The following KATNIP variants were observed in gnomAD, a reference collection of about 807,000 sequenced individuals.
KATNIP encodes katanin-interacting protein.
In KATNIP, 126 loss-of-function variants were observed where a neutral mutation model predicts 174.0. That is an observed-to-expected ratio of 0.72 (90% CI 0.63 to 0.84). The LOEUF (loss-of-function observed/expected upper bound fraction) is 0.84, where lower values mean the gene tolerates loss of function less well. Among genes scored for constraint, KATNIP ranks in the 40% least tolerant of loss-of-function variants. The pLI, the probability that KATNIP is intolerant of heterozygous loss-of-function variation, is 0.00. For missense variants in KATNIP, 1,958 were observed against 2,109.7 expected (o/e 0.93, Z 1.41); for synonymous variants, 810 against 835.7 (o/e 0.97, Z 0.53).
At chr16:27,658,770 G>A (rs1290617980) in intron 6 of KATNIP, among the ~76,000 whole-genome samples, 3 of 151,972 alleles carry the variant, frequency 2.0e-5, no homozygotes, top group Non-Finnish European at 4.4e-5. Flanking sequence ...TGTTGTTGTT[G>A]TTTGTTTGTT....
chr16:27,627,779 A>T (rs185486467), intron 3 of KATNIP, among the ~76,000 whole-genome samples: 1 of 152,222 alleles, frequency 6.6e-6, no homozygotes, highest in Non-Finnish European at 1.5e-5. Context: ...ACTTGTTGCT[A>T]GGTTGGCTGG....
intron 1 of KATNIP, among the ~76,000 whole-genome samples, chr16:27,554,482 A>G (rs1021582380): frequency 6.6e-6 from 1 of 152,126 alleles, no homozygotes; most frequent in Non-Finnish European, 1.5e-5. Flanking sequence ...AAAATTCAAC[A>G]CAGTGAAATA....
chr16:27,681,507 C>T lies in KATNIP; in HGVS notation c.917C>T (p.Pro306Leu). The part of the protein sequence containing the change: ...NLTPQAPAVF[P>L]DQERMCSRPG... ...ACTCCCCAAGCTCCTGCTGTATTCC[C>T]AGACCAGGAGAGGATGTGCTCCAGT... The change falls in exon 8 of 28, where the codon CCA becomes CTA. Residue 306 changes from proline to leucine, a missense_variant. Transcript: ENST00000261588. The T allele has an allele frequency of 6.2e-7, 1 of 1,614,234 alleles. No homozygotes were observed. The highest frequency in any genetic ancestry group is 1.1e-5 in the South Asian group (1 of 91,080).
intron 5 of KATNIP, chr16:27,632,326 C>T (rs887444714): frequency 5.7e-6 from 1 of 175,594 alleles, no homozygotes; most frequent in Non-Finnish European, 1.2e-5. Flanking sequence ...GAAAACTGCA[C>T]TTTGAAGTTC....
In KATNIP at chr16:27,677,962, C is replaced by A. The variant is rs765088653; in HGVS notation, c.774C>A (p.Thr258=). The A allele has an allele frequency of 8.7e-6, 14 of 1,614,038 alleles. No homozygotes were observed. The African/African-American group carries it at 1.9e-4, about 22-fold the overall frequency. ...GACGCTCTTCTCCAGGCCCAGACAC[C>A]CTCGTGGTGCTGGAATTTAACCCAG... is the stretch of plus-strand genomic sequence containing the variant. ...TEGRSSPGPD[T]LVVLEFNPAS... is the part of the protein sequence containing the mutation. Residue 258 remains threonine (T), a synonymous_variant, in exon 7 of 28, where the codon ACC becomes ACA. Transcript: ENST00000261588.
intron 1 of KATNIP, among the ~76,000 whole-genome samples, chr16:27,550,475 T>A (rs1157628019): frequency 6.6e-6 from 1 of 152,012 alleles, no homozygotes; most frequent in Non-Finnish European, 1.5e-5. Flanking sequence ...GAGGAGGGTC[T>A]TGTGAATGTT....
intron 6 of KATNIP, among the ~76,000 whole-genome samples, chr16:27,653,262 G>A (rs2077170953): frequency 1.3e-5 from 2 of 152,336 alleles, no homozygotes; most frequent in South Asian, 4.1e-4. Context: ...GGGCCACCCT[G>A]AAGTCTTCTG....
intron 11 of KATNIP, among the ~76,000 whole-genome samples, chr16:27,701,947 C>T (rs1402722542): frequency 6.6e-6 from 1 of 152,092 alleles, no homozygotes; most frequent in Non-Finnish European, 1.5e-5. Context: ...TGTGTGCCAC[C>T]GCACCCAGCT....
At chr16:27,647,264 T>A (rs988144782) in intron 5 of KATNIP, among the ~76,000 whole-genome samples, 2 of 152,164 alleles carry the variant, frequency 1.3e-5, no homozygotes, top group African/African-American at 4.8e-5. Flanking sequence ...AAATGTCCCA[T>A]GCTGTGTTTC....
At chr16:27,557,369 T>A (rs964096854) in intron 1 of KATNIP, among the ~76,000 whole-genome samples, 2 of 151,812 alleles carry the variant, frequency 1.3e-5, no homozygotes, top group East Asian at 3.9e-4. Flanking sequence ...CTCGAACTCC[T>A]GACCTTAGGT....
At chr16:27,654,673 A>T in intron 6 of KATNIP, 1 of 1,351,506 alleles carries the variant, frequency 7.4e-7, no homozygotes, top group South Asian at 1.1e-5. Context: ...ATGCATGTGG[A>T]CATTCTGACC....
At chr16:27,728,054 C>G (rs2143162946) in intron 14 of KATNIP, among the ~76,000 whole-genome samples, 1 of 150,588 alleles carries the variant, frequency 6.6e-6, no homozygotes. Context: ...ATGTCAATGA[C>G]TTGGAAGTCA....
chr16:27,610,056 A>T (rs887394765), intron 2 of KATNIP, among the ~76,000 whole-genome samples: 1 of 151,968 alleles, frequency 6.6e-6, no homozygotes, highest in Non-Finnish European at 1.5e-5. Context: ...TGGCTCAGAG[A>T]TGGGGGTCAA....
chr16:27,580,517 A>G (rs771283307), intron 2 of KATNIP, among the ~76,000 whole-genome samples: 1 of 152,224 alleles, frequency 6.6e-6, no homozygotes, highest in Non-Finnish European at 1.5e-5. Flanking sequence ...AAGAGTATTC[A>G]GGGAATACAA....
At chr16:27,641,325 C>T (rs1330907816) in intron 5 of KATNIP, among the ~76,000 whole-genome samples, 1 of 152,042 alleles carries the variant, frequency 6.6e-6, no homozygotes, top group South Asian at 2.1e-4. Flanking sequence ...TCTCAACCCC[C>T]CCTGTGCCCC....
chr16:27,699,392 G>A, intron 9 of KATNIP, 142 bp from the exon 10 acceptor site: 2 of 1,421,156 alleles, frequency 1.4e-6, no homozygotes, highest in Non-Finnish European at 1.9e-6. Flanking sequence ...TGTGTTCCCA[G>A]ACCTCTGACC....
chr16:27,773,117 T>A lies in KATNIP; in HGVS notation c.4217T>A (p.Leu1406His). 1 of 1,609,738 alleles carries A rather than the reference T, an allele frequency of 6.2e-7. No individual in the cohort carries two copies. The highest frequency in any genetic ancestry group is 1.1e-5 in the South Asian group (1 of 89,950). The change falls in exon 23 of 28, where the codon CTT (leucine) becomes CAT (histidine). Residue 1406 changes from leucine (L) to histidine (H), a missense_variant. Physicochemically the swap from Leu to His is moderately conservative, Grantham distance 99 (BLOSUM62 -3). Around this residue, in one of 3 missense-constraint regions of KATNIP, gnomAD observed 383 missense variants for 456.0 expected, o/e 0.84. Coordinates refer to ENST00000261588, the MANE Select transcript of KATNIP (RefSeq NM_015202.5). ...MPCGFIFQFQ[L>H]LTSWGDPYYI... is the part of the protein sequence containing the mutation. Reference sequence around the variant, plus strand: ...GTCCCAGTCATTTTCCAGTTTCAGCTTCTCACCAGCTGGGGCGACCCCTAC... The same window carrying A: ...GTCCCAGTCATTTTCCAGTTTCAGCATCTCACCAGCTGGGGCGACCCCTAC...
chr16:27,776,854 C>T lies in KATNIP; in HGVS notation c.4450-74C>T. On this transcript the variant is annotated intron_variant, in intron 24 of 27. Transcript: ENST00000261588. This position sits in a 1 kb window ranked among gnomAD's most constrained non-coding sequence, Gnocchi z 4.7. ...GCACCACCGCTCACCCCAGCCCACG[C>T]CTGGCACCCCCAGCCCAGCCAAGCG... 2.7e-6 allele frequency: 3 copies of T among 1,114,284 alleles called. No individual in the cohort carries two copies. 69.0% of individuals were successfully genotyped at this position (1,114,284 alleles called of 1,614,324 possible).
intron 14 of KATNIP, among the ~76,000 whole-genome samples, chr16:27,733,311 ATAATAT>A (rs1328496900): frequency 6.6e-6 from 1 of 152,168 alleles, no homozygotes; most frequent in African/African-American, 2.4e-5. Context: ...TTAGATTGAA[ATAATAT>A]TAATATTGTA....
Sources: gnomAD v4.1 joint callset for allele counts (sites outside exome capture counted in the v4.1 genomes callset) on GRCh38, gnomAD v4.1.1 for gene constraint, gnomAD v4.1.1 regional missense constraint, Gnocchi (gnomAD v3.1) non-coding constraint, MANE v1.5 for transcripts, NCBI Gene and HGNC (gene_info 2026-07-23, HGNC 2026-07-21) for gene names.